CRHR1: variants seen among roughly 807,000 people sequenced by gnomAD.
CRHR1 encodes corticotropin-releasing hormone receptor 1.
A neutral mutation model predicts 56.0 loss-of-function variants in CRHR1; 28 were observed. The ratio of observed to expected loss-of-function variants is 0.50; its 90% CI spans 0.37 to 0.69. The LOEUF (loss-of-function observed/expected upper bound fraction) is 0.69, where lower values mean the gene tolerates loss of function less well. Ranked by LOEUF, CRHR1 falls within the 30% of genes least tolerant of loss-of-function variation. The probability of loss-of-function intolerance (pLI) is 0.00; values close to 1 mark genes in which losing one functional copy is unlikely to be tolerated. For missense variants in CRHR1, 376 were observed against 548.0 expected (o/e 0.69, Z 3.13); for synonymous variants, 195 against 216.5 (o/e 0.90, Z 0.87).
chr17:45,816,626 C>A, intron 3 of CRHR1, 44 bp downstream of exon 3: 1 of 1,612,626 alleles, frequency 6.2e-7, no homozygotes, highest in Non-Finnish European at 8.5e-7. Flanking sequence ...GGAGGTGGGA[C>A]AGGATGGGGA....
intron 2 of CRHR1, among the ~76,000 whole-genome samples, chr17:45,809,650 C>G (rs1003117196): frequency 1.3e-5 from 2 of 152,218 alleles, no homozygotes; most frequent in Non-Finnish European, 2.9e-5. Flanking sequence ...CTACCCAGAC[C>G]GACGGGCACT....
At chr17:45,830,064 T>C (rs1422369236) in intron 5 of CRHR1, 30 bp from the exon 6 acceptor site, 1 of 1,613,492 alleles carries the variant, frequency 6.2e-7, no homozygotes, top group Non-Finnish European at 8.5e-7. Flanking sequence ...CTCCTATCGC[T>C]CCCATCATCC....
intron 3 of CRHR1, 28 bp from the exon 4 acceptor site, chr17:45,821,327 C>T (rs1352784725): frequency 6.2e-7 from 1 of 1,607,572 alleles, no homozygotes; most frequent in East Asian, 2.2e-5. Flanking sequence ...GCTGCCCCGC[C>T]ATCACTGCCT....
intron 1 of CRHR1, among the ~76,000 whole-genome samples, chr17:45,796,136 C>T (rs957329259): frequency 3.9e-5 from 6 of 152,190 alleles, no homozygotes; most frequent in South Asian, 2.1e-4. Flanking sequence ...TGTCAGAGAG[C>T]GGCTGAGCCG....
intron 5 of CRHR1, chr17:45,829,567 C>A (rs559430395): frequency 6.5e-7 from 1 of 1,550,194 alleles, no homozygotes; most frequent in East Asian, 2.4e-5. Context: ...CCAGGCCAGG[C>A]TGCACCCATT....
At chr17:45,824,926 C>T (rs918040524) in intron 4 of CRHR1, among the ~76,000 whole-genome samples, 20 of 152,050 alleles carry the variant, frequency 1.3e-4, no homozygotes, top group African/African-American at 7.2e-5. Context: ...CCGCCCCACC[C>T]CCCAGCCCAT....
At chr17:45,819,691 T>G (rs1010784999) in intron 3 of CRHR1, among the ~76,000 whole-genome samples, 20 of 152,176 alleles carry the variant, frequency 1.3e-4, no homozygotes, top group African/African-American at 4.8e-4. Context: ...TCACCAACTC[T>G]GCCCAAGGGC....
intron 1 of CRHR1, among the ~76,000 whole-genome samples, chr17:45,797,882 G>A (rs1296872374): frequency 6.6e-6 from 1 of 152,178 alleles, no homozygotes; most frequent in Non-Finnish European, 1.5e-5. Flanking sequence ...GGTAACTGAG[G>A]TGGGGAGGTG....
At chr17:45,787,923 G>A (rs1026798081) in intron 1 of CRHR1, among the ~76,000 whole-genome samples, 7 of 152,244 alleles carry the variant, frequency 4.6e-5, no homozygotes, top group African/African-American at 1.7e-4. Context: ...GCAAAGACAG[G>A]GAGGGGCCAA....
At chr17:45,829,623 G>A (rs1411182446) in intron 5 of CRHR1, 14 of 1,550,966 alleles carry the variant, frequency 9.0e-6, no homozygotes, top group South Asian at 1.2e-5. Context: ...GCTCCATGGA[G>A]TGGTGCCCCA....
At chr17:45,831,082 G>A (rs2062298247) in intron 8 of CRHR1, 142 bp downstream of exon 8, 1 of 804,840 alleles carries the variant, frequency 1.2e-6, no homozygotes, top group South Asian at 1.8e-5. Flanking sequence ...AGATCTGGGG[G>A]CTGGACTCAT....
intron 1 of CRHR1, among the ~76,000 whole-genome samples, chr17:45,801,092 G>T (rs188322068): frequency 4.3e-4 from 65 of 152,272 alleles, no homozygotes; most frequent in South Asian, 3.1e-3. Flanking sequence ...CTTCATTCCA[G>T]CCCCATTCTG....
At chr17:45,798,015 A>G (rs2061552590) in intron 1 of CRHR1, among the ~76,000 whole-genome samples, 1 of 151,970 alleles carries the variant, frequency 6.6e-6, no homozygotes, top group African/African-American at 2.4e-5. Flanking sequence ...GAGCAAGGAG[A>G]GGAGAGGGAG....
At chr17:45,819,598 C>A (rs575142032) in intron 3 of CRHR1, among the ~76,000 whole-genome samples, 7 of 152,324 alleles carry the variant, frequency 4.6e-5, no homozygotes, top group African/African-American at 1.7e-4. Context: ...TCCCCTCAGA[C>A]CTCCATGAAA....
chr17:45,830,698 C>A, intron 7 of CRHR1, 128 bp downstream of exon 7: 1 of 1,281,536 alleles, frequency 7.8e-7, no homozygotes. Context: ...AAGGTGTGCA[C>A]GATAGCCCTC....
At chr17:45,833,871 T>C in intron 11 of CRHR1, 22 bp downstream of exon 11, 1 of 1,612,774 alleles carries the variant, frequency 6.2e-7, no homozygotes, top group Non-Finnish European at 8.5e-7. Flanking sequence ...GAGGGACACA[T>C]CAGCACCTCC....
chr17:45,817,784 G>A (rs2061958642), intron 3 of CRHR1, among the ~76,000 whole-genome samples: 1 of 151,666 alleles, frequency 6.6e-6, no homozygotes, highest in Admixed American at 6.6e-5. Flanking sequence ...AGGGACTCGG[G>A]AGAGGGAGAA....
At chr17:45,787,080 T>A (rs1322435310) in intron 1 of CRHR1, among the ~76,000 whole-genome samples, 1 of 152,140 alleles carries the variant, frequency 6.6e-6, no homozygotes, top group Non-Finnish European at 1.5e-5. Flanking sequence ...CCCCAACAAG[T>A]CAGCCAGTGT....
chr17:45,796,500 G>A (rs1384841848), intron 1 of CRHR1, among the ~76,000 whole-genome samples: 1 of 152,086 alleles, frequency 6.6e-6, no homozygotes, highest in Non-Finnish European at 1.5e-5. Flanking sequence ...TTGTGATGAG[G>A]AAGAGGAGGG....
Sources: gnomAD v4.1 joint callset for allele counts (sites outside exome capture counted in the v4.1 genomes callset) on GRCh38, gnomAD v4.1.1 for gene constraint, MANE v1.5 for transcripts, NCBI Gene and HGNC (gene_info 2026-07-23, HGNC 2026-07-21) for gene names.